The following ADGRB3 variants were observed in gnomAD, a reference collection of about 807,000 sequenced individuals.
The protein encoded by ADGRB3 is adhesion G protein-coupled receptor B3, also known as brain-specific angiogenesis inhibitor 3.
ADGRB3 carries 37 observed loss-of-function variants against 193.4 expected under a neutral mutation model. The ratio of observed to expected loss-of-function variants is 0.19; its 90% CI spans 0.15 to 0.25. ADGRB3 has a LOEUF of 0.25. Ranked by LOEUF, ADGRB3 falls within the 10% of genes least tolerant of loss-of-function variation. The pLI, the probability that ADGRB3 is intolerant of heterozygous loss-of-function variation, is 1.00. For missense variants in ADGRB3, 1,637 were observed against 1,852.9 expected, an observed-to-expected ratio of 0.88 and a Z score of 2.14; for synonymous variants, 690 against 644.2, an observed-to-expected ratio of 1.07 and a Z score of -1.08.
At chr6:69,285,194 G>A (rs1031331511) in intron 20 of ADGRB3, among the ~76,000 whole-genome samples, 1 of 152,160 alleles carries the variant, frequency 6.6e-6, no homozygotes, top group African/African-American at 2.4e-5. Flanking sequence ...TTCTGCAAAA[G>A]GAAATAGATA....
chr6:68,828,365 G>A (rs886069499), intron 3 of ADGRB3, among the ~76,000 whole-genome samples: 1 of 152,188 alleles, frequency 6.6e-6, no homozygotes, highest in Admixed American at 6.5e-5. Context: ...AGGACAAAAT[G>A]TGTTCATACA....
At chr6:69,065,764 T>TACACAC (rs3043304) in intron 16 of ADGRB3, among the ~76,000 whole-genome samples, 54 of 129,266 alleles carry the variant, frequency 4.2e-4, no homozygotes, top group African/African-American at 1.3e-3. Context: ...TGTATATATA[T>TACACAC]ACACACACAC....
At chr6:69,228,970 ACATTTGAAAAAGTAATATCCCAAGTC>A (rs1346056345) in intron 17 of ADGRB3, among the ~76,000 whole-genome samples, 1 of 152,174 alleles carries the variant, frequency 6.6e-6, no homozygotes, top group Non-Finnish European at 1.5e-5. Context: ...CATCTGAAGG[ACATTTGAAAAAGTAATATCCCAAGTC>A]CTATCATAGG....
intron 6 of ADGRB3, among the ~76,000 whole-genome samples, chr6:68,952,246 T>G (rs906544394): frequency 6.6e-6 from 1 of 152,054 alleles, no homozygotes; most frequent in African/African-American, 2.4e-5. Flanking sequence ...TAATTTTTTT[T>G]AATCCAGAAT....
chr6:68,768,102 G>C (rs1401581680), intron 3 of ADGRB3, among the ~76,000 whole-genome samples: 1 of 152,038 alleles, frequency 6.6e-6, no homozygotes, highest in Non-Finnish European at 1.5e-5. Context: ...TGTTGTGAAA[G>C]TGGCCATACT....
At chr6:68,931,615 A>G (rs1375310371) in intron 4 of ADGRB3, among the ~76,000 whole-genome samples, 1 of 152,162 alleles carries the variant, frequency 6.6e-6, no homozygotes, top group Non-Finnish European at 1.5e-5. Flanking sequence ...TCCTGACATG[A>G]CATTTAGACT....
intron 11 of ADGRB3, among the ~76,000 whole-genome samples, chr6:69,001,546 G>T (rs1301430014): frequency 6.6e-6 from 1 of 152,120 alleles, no homozygotes; most frequent in Non-Finnish European, 1.5e-5. Flanking sequence ...TGCTATGGCA[G>T]TGACCTAGAT....
At chr6:68,657,711 T>C (rs1053323133) in intron 3 of ADGRB3, among the ~76,000 whole-genome samples, 58 of 151,556 alleles carry the variant, frequency 3.8e-4, no homozygotes, top group African/African-American at 1.4e-3. Flanking sequence ...GTAAACACTT[T>C]TAAAAACACT....
At chr6:69,192,242 G>A (rs745694027) in intron 17 of ADGRB3, among the ~76,000 whole-genome samples, 4 of 152,088 alleles carry the variant, frequency 2.6e-5, no homozygotes, top group Admixed American at 1.3e-4. Flanking sequence ...TTCAGTCTGC[G>A]GTCAAAGGTC....
At chr6:69,274,566 G>A (rs1413897619) in intron 20 of ADGRB3, among the ~76,000 whole-genome samples, 2 of 114,026 alleles carry the variant, frequency 1.8e-5, no homozygotes, top group African/African-American at 7.2e-5. Flanking sequence ...TTCCTTCCTT[G>A]TGTCCTTCCT....
At chr6:68,772,878 CAAACAAAAAA>C (rs1218046717) in intron 3 of ADGRB3, among the ~76,000 whole-genome samples, 275 of 15,650 alleles carry the variant, frequency 0.018, 3 homozygotes, top group East Asian at 0.061. Flanking sequence ...AACAAACAAA[CAAACAAAAAA>C]AAAAAAATAT....
chr6:68,815,013 A>C (rs1233843845), intron 3 of ADGRB3, among the ~76,000 whole-genome samples: 1 of 152,204 alleles, frequency 6.6e-6, no homozygotes, highest in Non-Finnish European at 1.5e-5. Context: ...ATCTATGTCA[A>C]ACCCACAGCC....
intron 3 of ADGRB3, among the ~76,000 whole-genome samples, chr6:68,869,316 TA>T (rs977467608): frequency 6.6e-6 from 1 of 152,160 alleles, no homozygotes; most frequent in Non-Finnish European, 1.5e-5. Context: ...TAACTATGAC[TA>T]AAGCCATAGT....
At chr6:68,744,283 T>G (rs1460445081) in intron 3 of ADGRB3, among the ~76,000 whole-genome samples, 1 of 152,196 alleles carries the variant, frequency 6.6e-6, no homozygotes, top group Non-Finnish European at 1.5e-5. Flanking sequence ...CTTTACACTG[T>G]TGATGGGAGT....
intron 3 of ADGRB3, among the ~76,000 whole-genome samples, chr6:68,915,220 G>A (rs949199908): frequency 1.1e-4 from 17 of 152,188 alleles, no homozygotes; most frequent in African/African-American, 3.6e-4. Context: ...CGTAATGATG[G>A]ACAAGTAACA....
intron 16 of ADGRB3, among the ~76,000 whole-genome samples, chr6:69,068,824 C>CT (rs1444326855): frequency 1.3e-5 from 2 of 152,170 alleles, no homozygotes; most frequent in African/African-American, 4.8e-5. Flanking sequence ...TAGCTGCCAA[C>CT]TTTCTGTGAA....
intron 3 of ADGRB3, among the ~76,000 whole-genome samples, chr6:68,833,574 T>TTTTTTTTTTTTTTTTG (rs1267000285): frequency 6.6e-6 from 1 of 150,594 alleles, no homozygotes; most frequent in Non-Finnish European, 1.5e-5. Flanking sequence ...TATTCTTATA[T>TTTTTTTTTTTTTTTTG]TAAAGAATGA....
At chr6:68,760,300 G>A (rs1341839237) in intron 3 of ADGRB3, among the ~76,000 whole-genome samples, 1 of 152,104 alleles carries the variant, frequency 6.6e-6, no homozygotes, top group Non-Finnish European at 1.5e-5. Flanking sequence ...TTCTCCCCTA[G>A]GGGTGGTTGT....
intron 3 of ADGRB3, among the ~76,000 whole-genome samples, chr6:68,673,032 C>G (rs976908608): frequency 6.6e-6 from 1 of 151,948 alleles, no homozygotes; most frequent in Non-Finnish European, 1.5e-5. Context: ...GAATCTCTCT[C>G]TCTCTCTCTC....
Sources: gnomAD v4.1 joint callset for allele counts (sites outside exome capture counted in the v4.1 genomes callset) on GRCh38, gnomAD v4.1.1 for gene constraint, MANE v1.5 for transcripts, NCBI Gene and HGNC (gene_info 2026-07-23, HGNC 2026-07-21) for gene names.